The following ZNF493 variants were observed in gnomAD, a reference collection of about 807,000 sequenced individuals.
The protein encoded by ZNF493 is zinc finger protein 493.
Under a neutral mutation model 12.2 loss-of-function variants are expected in ZNF493, and 11 were observed. That is an observed-to-expected ratio of 0.90 (90% CI 0.57 to 1.50). The LOEUF is 1.50. Among genes scored for constraint, ZNF493 ranks in the 40% most tolerant of loss-of-function variants. The probability of loss-of-function intolerance (pLI) is 0.00; values close to 1 mark genes in which losing one functional copy is unlikely to be tolerated. For missense variants in ZNF493, 950 were observed against 906.6 expected, an observed-to-expected ratio of 1.05 and a Z score of -0.61; for synonymous variants, 286 against 302.6, an observed-to-expected ratio of 0.95 and a Z score of 0.57.
At chr19:21,398,288 A>G (rs561121704) in intron 1 of ZNF493, 2 of 154,240 alleles carry the variant, frequency 1.3e-5, no homozygotes, top group African/African-American at 4.8e-5. Context: ...AAATGGTTAA[A>G]TGGTGCATTT....
At position 21,425,070 on chromosome 19, in the gene ZNF493, C is replaced by A; in HGVS notation, c.*86C>A. On this transcript the variant is annotated 3_prime_UTR_variant, in exon 4 of 4. Coordinates refer to ENST00000392288, the MANE Select transcript of ZNF493 (RefSeq NM_001076678.3). ...TCACCAGTACTTTACCCTTAATACA[C>A]ATAAGATAATTAATGCTGGAGAGAA... is the stretch of plus-strand genomic sequence containing the variant. 7.0e-7 allele frequency: 1 copy of A among 1,433,650 alleles called. No homozygotes were observed. The highest frequency in any genetic ancestry group is 9.6e-7 in the Non-Finnish European group (1 of 1,037,680). 88.8% of individuals were successfully genotyped at this position (1,433,650 alleles called of 1,614,324 possible).
rs1305610276 is a variant in ZNF493 at position 21,427,125 on chromosome 19, A to G, written c.*2141A>G. The G allele has an allele frequency of 6.0e-6, 1 of 167,016 alleles. No homozygotes were observed. Among genetic ancestry groups the G allele is most frequent in the Non-Finnish European group, 1.5e-5 (1 of 68,110 alleles). 10.3% of individuals were successfully genotyped at this position (167,016 alleles called of 1,614,324 possible). A position where few individuals can be genotyped will look rare whatever the true frequency, so the allele number is the denominator to read the frequency against. On this transcript the variant is annotated 3_prime_UTR_variant, in exon 4 of 4. Coordinates refer to ENST00000392288, the MANE Select transcript of ZNF493 (RefSeq NM_001076678.3). The stretch of plus-strand genomic sequence containing the variant: ...ATGGGCATTATTTATGATCTTTTCT[A>G]TGGATGAGTAAGAATATTAAAATGT...
At chr19:21,408,607 A>G (rs2030215328) in intron 3 of ZNF493, 10 of 985,100 alleles carry the variant, frequency 1.0e-5, no homozygotes, top group Admixed American at 1.2e-4. Flanking sequence ...TTAATGTTGC[A>G]TACCAAATTG....
chr19:21,407,109 A>G (rs1032173942), intron 3 of ZNF493, among the ~76,000 whole-genome samples: 23 of 152,072 alleles, frequency 1.5e-4, no homozygotes, highest in Admixed American at 9.8e-4. Flanking sequence ...GCACTTTGGG[A>G]GGCTGAGGCC....
At chr19:21,413,431 T>A (rs1568380343) in intron 3 of ZNF493, 6 of 406,158 alleles carry the variant, frequency 1.5e-5, no homozygotes, top group Non-Finnish European at 2.6e-5. Context: ...TACCATTAAA[T>A]TGCTCATTGT....
At chr19:21,405,402 G>GA (rs906568960) in intron 2 of ZNF493, 147 bp downstream of exon 2, 72 of 1,458,300 alleles carry the variant, frequency 4.9e-5, no homozygotes, top group African/African-American at 1.9e-4. Context: ...TGTCCGTGTG[G>GA]AAAAAAATTT....
Position 21,424,182 on chromosome 19 carries a change from A to C in ZNF493, c.1523A>C (p.Lys508Thr), listed in dbSNP as rs376021316. The change falls in exon 4 of 4, where the codon AAA becomes ACA. Residue 508 changes from lysine to threonine, a missense_variant. Lys to Thr is a moderately conservative substitution (Grantham distance 78). Coordinates refer to ENST00000392288, the MANE Select transcript of ZNF493 (RefSeq NM_001076678.3). The stretch of plus-strand genomic sequence containing the variant: ...CAATCTTCAACCCTTAGTATACATA[A>C]AATAATTCATACTGGAGAAAAACCC... ...FNQSSTLSIHKIIHTGEKPYK... is the reference protein window; with the variant it reads ...FNQSSTLSIHTIIHTGEKPYK... The C allele has an allele frequency of 1.9e-6, 3 of 1,613,608 alleles. No homozygotes were observed. Among genetic ancestry groups the C allele is most frequent in the Non-Finnish European group, 2.5e-6 (3 of 1,179,780 alleles).
In ZNF493 at chr19:21,407,145, C is replaced by T. The variant is rs1317479459; in HGVS notation, c.253+1289C>T. On this transcript the variant is annotated intron_variant, in intron 3 of 3. Transcript: ENST00000392288. ...GGTGGATCACTTGAGTTCAGGAGTT[C>T]GAGACTAGTCTCGCCATTATGGTGA... Among the ~76,000 whole-genome samples the T allele has an allele frequency of 3.3e-5, 5 of 151,844 alleles. No homozygotes were observed. The South Asian group carries it at 1.0e-3, about 32-fold the overall frequency.
At chr19:21,409,365 T>C (rs770344908) in intron 3 of ZNF493, among the ~76,000 whole-genome samples, 2 of 152,214 alleles carry the variant, frequency 1.3e-5, no homozygotes, top group African/African-American at 2.4e-5. Context: ...AGATTTATAA[T>C]TCTTTATTTT....
intron 3 of ZNF493, among the ~76,000 whole-genome samples, chr19:21,421,139 G>T (rs991717174): frequency 1.7e-4 from 26 of 151,830 alleles, no homozygotes; most frequent in African/African-American, 5.8e-4. Flanking sequence ...AAATATCTTT[G>T]CTTGTATCCT....
At chr19:21,408,114 ATTTTTTTTTTT>A (rs56372601) in intron 3 of ZNF493, 42 of 829,548 alleles carry the variant, frequency 5.1e-5, no homozygotes, top group South Asian at 1.2e-4. Context: ...GTACTTCCCA[ATTTTTTTTTTT>A]TTTTTTTTTT....
chr19:21,407,943 G>A (rs2030188355), intron 3 of ZNF493: 1 of 985,108 alleles, frequency 1.0e-6, no homozygotes, highest in Non-Finnish European at 1.2e-6. Context: ...GTTTTTATAA[G>A]CTGATTTCAG....
chr19:21,422,733 A>G lies in ZNF493; in HGVS notation c.254-180A>G, dbSNP rs141482624. On this transcript the variant is annotated intron_variant, in intron 3 of 3. Coordinates refer to ENST00000392288, the MANE Select transcript of ZNF493 (RefSeq NM_001076678.3). ...TACTTCAAACACTTAACTCATTTAT[A>G]ATTTTTTCTCAGATATATTTTGGTT... 4.6e-3 allele frequency among the ~76,000 whole-genome samples: 706 copies of G among 152,158 alleles called. 10 individuals are homozygous for G. The highest frequency in any genetic ancestry group is 0.016 in the African/African-American group (682 of 41,508).
intron 1 of ZNF493, among the ~76,000 whole-genome samples, chr19:21,401,226 C>T (rs1004120849): frequency 6.6e-6 from 1 of 151,908 alleles, no homozygotes; most frequent in African/African-American, 2.4e-5. Context: ...TGGTTTTTGT[C>T]TTTAGTTCTG....
chr19:21,398,066 T>C (rs1415784144), intron 1 of ZNF493: 2 of 152,314 alleles, frequency 1.3e-5, no homozygotes, highest in African/African-American at 4.8e-5. Flanking sequence ...AGGGAACTGA[T>C]TTTCTGCTGT....
chr19:21,413,594 C>G, intron 3 of ZNF493: 2 of 407,442 alleles, frequency 4.9e-6, no homozygotes, highest in Non-Finnish European at 8.6e-6. Flanking sequence ...ACGAGGGGGT[C>G]CTCGGGATCC....
chr19:21,422,036 G>A (rs1394457750), intron 3 of ZNF493, among the ~76,000 whole-genome samples: 1 of 152,096 alleles, frequency 6.6e-6, no homozygotes, highest in Non-Finnish European at 1.5e-5. Flanking sequence ...AGTAGAGATG[G>A]GGTTTCACCA....
chr19:21,408,499 C>A, intron 3 of ZNF493: 1 of 983,656 alleles, frequency 1.0e-6, no homozygotes, highest in Non-Finnish European at 1.2e-6. Context: ...ACTGCATATT[C>A]TCTGAAATTT....
At chr19:21,417,278 A>G (rs1445794328) in intron 3 of ZNF493, among the ~76,000 whole-genome samples, 3 of 152,126 alleles carry the variant, frequency 2.0e-5, no homozygotes, top group Non-Finnish European at 4.4e-5. Context: ...CAGTTAAAAC[A>G]AGCTCCAGGA....
Sources: gnomAD v4.1 joint callset for allele counts (sites outside exome capture counted in the v4.1 genomes callset) on GRCh38, gnomAD v4.1.1 for gene constraint, MANE v1.5 for transcripts, NCBI Gene and HGNC (gene_info 2026-07-23, HGNC 2026-07-21) for gene names.